The following NPEPPS variants were observed in gnomAD, a reference collection of about 807,000 sequenced individuals.
The protein encoded by NPEPPS is aminopeptidase puromycin sensitive.
A neutral mutation model predicts 115.5 loss-of-function variants in NPEPPS; 14 were observed. That is an observed-to-expected ratio of 0.12 (90% confidence interval 0.08 to 0.19). The LOEUF is 0.19. Ranked by LOEUF, NPEPPS falls within the 10% of genes least tolerant of loss-of-function variation. The probability of loss-of-function intolerance (pLI) is 1.00; values close to 1 mark genes in which losing one functional copy is unlikely to be tolerated. For synonymous variants in NPEPPS, 285 were observed against 390.6 expected, an observed-to-expected ratio of 0.73 and a Z score of 3.19; for missense variants, 523 against 1,110.8, an observed-to-expected ratio of 0.47 and a Z score of 7.52.
At chr17:47,538,362 A>G (rs1567835490) in intron 1 of NPEPPS, among the ~76,000 whole-genome samples, 1 of 148,430 alleles carries the variant, frequency 6.7e-6, no homozygotes, top group Non-Finnish European at 1.5e-5. Context: ...TTACAGGTGC[A>G]TGCCACCACA....
chr17:47,556,965 A>G (rs997903130), intron 2 of NPEPPS, among the ~76,000 whole-genome samples: 2 of 152,158 alleles, frequency 1.3e-5, no homozygotes, highest in African/African-American at 4.8e-5. Flanking sequence ...TCTTGATCCC[A>G]GATCTTTTTC....
At chr17:47,583,186 T>A (rs1396576868) in intron 5 of NPEPPS, among the ~76,000 whole-genome samples, 3 of 152,022 alleles carry the variant, frequency 2.0e-5, no homozygotes, top group Non-Finnish European at 1.5e-5. Context: ...TTTGGAGGAT[T>A]TTCTCTTTGT....
At chr17:47,605,255 G>T in intron 16 of NPEPPS, 78 bp from the exon 17 acceptor site, 2 of 1,028,466 alleles carry the variant, frequency 1.9e-6, no homozygotes. Flanking sequence ...GCTAGCAGTA[G>T]ATAATGCCAA....
At chr17:47,596,256 G>A in intron 12 of NPEPPS, 97 bp from the exon 13 acceptor site, 1 of 705,990 alleles carries the variant, frequency 1.4e-6, no homozygotes, top group South Asian at 2.3e-5. Context: ...AAGAACCAAA[G>A]AATTAGCAGT....
intron 13 of NPEPPS, among the ~76,000 whole-genome samples, chr17:47,597,043 GTC>G: frequency 8.7e-6 from 1 of 115,390 alleles, no homozygotes; most frequent in East Asian, 2.9e-4. Context: ...GCGAGACTTC[GTC>G]TCAAAAAAAA....
intron 4 of NPEPPS, chr17:47,581,195 T>G (rs1166783641): frequency 2.0e-5 from 3 of 152,066 alleles, no homozygotes; most frequent in Non-Finnish European, 4.4e-5. Flanking sequence ...TTCGTTTTGC[T>G]TTATTTTCTT....
At chr17:47,537,746 A>G (rs1466293175) in intron 1 of NPEPPS, among the ~76,000 whole-genome samples, 1 of 151,946 alleles carries the variant, frequency 6.6e-6, no homozygotes, top group East Asian at 1.9e-4. Context: ...AATATTTCTA[A>G]AATACATTAT....
At chr17:47,598,311 A>G (rs1380988839) in intron 13 of NPEPPS, among the ~76,000 whole-genome samples, 1 of 151,238 alleles carries the variant, frequency 6.6e-6, no homozygotes, top group African/African-American at 2.4e-5. Flanking sequence ...CGTCTCTACT[A>G]AAAGTAAAAA....
In NPEPPS at chr17:47,623,050, T is replaced by A; in HGVS notation, c.*1130T>A. 3.0e-6 allele frequency: 1 copy of A among 332,786 alleles called. No individual in the cohort carries two copies. The allele number at this position is 332,786 out of a possible 1,614,324, so 20.6% of individuals were successfully genotyped here. ...AGCCTCACCTATTTAATCCAATGAG[T>A]TTTAAATCTAAATCTCATTCCCTTC... On this transcript the variant is annotated 3_prime_UTR_variant, in exon 23 of 23. Coordinates refer to ENST00000322157, the MANE Select transcript of NPEPPS (RefSeq NM_006310.4).
intron 3 of NPEPPS, among the ~76,000 whole-genome samples, chr17:47,577,465 A>T (rs1315756989): frequency 1.3e-5 from 2 of 152,174 alleles, no homozygotes; most frequent in Non-Finnish European, 2.9e-5. Context: ...AATAGAAATT[A>T]AAAATTTTTA....
chr17:47,535,449 G>C (rs1285500702), intron 1 of NPEPPS, among the ~76,000 whole-genome samples: 2 of 143,880 alleles, frequency 1.4e-5, no homozygotes, highest in East Asian at 2.1e-4. Flanking sequence ...TACTCGGGAG[G>C]CTGAGGCAGG....
At chr17:47,613,103 T>C (rs1379594551) in intron 18 of NPEPPS, among the ~76,000 whole-genome samples, 1 of 152,162 alleles carries the variant, frequency 6.6e-6, no homozygotes, top group African/African-American at 2.4e-5. Context: ...AGTTTCTCAG[T>C]CAGTGTTGCA....
intron 2 of NPEPPS, among the ~76,000 whole-genome samples, chr17:47,550,631 A>AT (rs35634041): frequency 1.0e-3 from 136 of 131,528 alleles, no homozygotes; most frequent in African/African-American, 2.6e-3. Context: ...TATATATATA[A>AT]TTTTTTTTTT....
At chr17:47,539,157 ACT>A (rs35152111) in intron 1 of NPEPPS, among the ~76,000 whole-genome samples, 20,764 of 142,642 alleles carry the variant, frequency 0.15, 1,937 homozygotes, top group Admixed American at 0.27. Flanking sequence ...TACAACTGAT[ACT>A]CTGATACAAC....
chr17:47,559,777 C>T (rs1280935942), intron 2 of NPEPPS: 1 of 411,040 alleles, frequency 2.4e-6, no homozygotes, highest in Non-Finnish European at 4.8e-6. Context: ...TGTCTTTTCT[C>T]TTCTAATAGA....
chr17:47,616,288 G>C (rs918708331), intron 19 of NPEPPS, among the ~76,000 whole-genome samples: 1 of 152,184 alleles, frequency 6.6e-6, no homozygotes, highest in African/African-American at 2.4e-5. Flanking sequence ...CAGGCGTGGT[G>C]GTTCATGCCT....
chr17:47,550,507 C>T (rs1434126729), intron 2 of NPEPPS, among the ~76,000 whole-genome samples: 5 of 148,628 alleles, frequency 3.4e-5, no homozygotes, highest in African/African-American at 1.2e-4. Context: ...TAGTTATGTA[C>T]CCTTTTCTCT....
At chr17:47,527,720 A>G (rs1409988839), upstream of NPEPPS, among the ~76,000 whole-genome samples, 7 of 151,458 alleles carry the variant, frequency 4.6e-5, no homozygotes, top group Non-Finnish European at 1.0e-4. Flanking sequence ...TAAAAAAAGA[A>G]AAAGAAATAA....
At chr17:47,529,963 G>A (rs1477252467), upstream of NPEPPS, among the ~76,000 whole-genome samples, 1 of 137,634 alleles carries the variant, frequency 7.3e-6, no homozygotes, top group Non-Finnish European at 1.6e-5. Context: ...TTGAGACAGA[G>A]TCTCACTCTG....
Sources: allele counts gnomAD v4.1 joint callset (sites outside exome capture counted in the v4.1 genomes callset), GRCh38; gene constraint gnomAD v4.1.1; transcripts MANE v1.5; gene names NCBI Gene and HGNC (gene_info 2026-07-23, HGNC 2026-07-21).